The following CNTN6 variants were observed in gnomAD, a reference collection of about 807,000 sequenced individuals.
CNTN6 encodes contactin-6.
In CNTN6, 137 loss-of-function variants were observed where a neutral mutation model predicts 122.8. The observed-to-expected ratio is 1.12, with a 90% CI of 0.97 to 1.29. The LOEUF (loss-of-function observed/expected upper bound fraction) is 1.29. CNTN6 is among the 50% of genes most tolerant of loss of function. The pLI is 0.00. For missense variants in CNTN6, 1,634 were observed against 1,223.4 expected (o/e 1.34, Z -5.01); for synonymous variants, 570 against 426.0 (o/e 1.34, Z -4.16).
intron 7 of CNTN6, among the ~76,000 whole-genome samples, chr3:1,299,983 A>G (rs1054334664): frequency 4.0e-5 from 6 of 151,658 alleles, no homozygotes; most frequent in South Asian, 2.1e-4. Flanking sequence ...ATTTCATTCT[A>G]CTTTTTTTTT....
intron 20 of CNTN6, among the ~76,000 whole-genome samples, chr3:1,399,835 C>G (rs982098472): frequency 2.0e-5 from 3 of 152,082 alleles, no homozygotes; most frequent in African/African-American, 4.8e-5. Context: ...GAAATTTAAA[C>G]AAACACATAA....
Position 1,153,084 on chromosome 3 carries a change from T to G in CNTN6, c.55+5021T>G, listed in dbSNP as rs1166542303. Reference sequence around the variant, plus strand: ...TGGTTCATAAATATAACCACTTTTTTGTCATTTGTGTTTGTTTTGCCATGG... The same window carrying G: ...TGGTTCATAAATATAACCACTTTTTGGTCATTTGTGTTTGTTTTGCCATGG... On this transcript the variant is annotated intron_variant, in intron 2 of 22. Transcript: ENST00000446702. 5.9e-5 allele frequency among the ~76,000 whole-genome samples: 9 copies of G among 152,228 alleles called. No homozygotes were observed. In the East Asian group the frequency reaches 1.7e-3, roughly 29 times the overall value.
At position 1,385,797 on chromosome 3, in the gene CNTN6, C is replaced by CGTAA. The variant is rs771718718; in HGVS notation, c.2704+4_2704+7dup. 1.4e-5 allele frequency: 22 copies of CGTAA among 1,607,536 alleles called. No individual in the cohort carries two copies. In the East Asian group the frequency reaches 2.7e-4, roughly 20 times the overall value. The stretch of plus-strand genomic sequence containing the variant: ...AGTCAATGTTACCACCAAAAAGTCT[C>CGTAA]GTAAGTATGCATACACTCCAGGAAA... On this transcript the variant is annotated frameshift_variant and splice_region_variant. Coordinates refer to ENST00000446702, the MANE Select transcript of CNTN6 (RefSeq NM_001289080.2). LOFTEE classifies it high-confidence loss of function.
chr3:1,395,917 A>G (rs1420782686), intron 20 of CNTN6, among the ~76,000 whole-genome samples: 1 of 152,198 alleles, frequency 6.6e-6, no homozygotes, highest in Non-Finnish European at 1.5e-5. Context: ...GGCCTCTGTT[A>G]GACTGATGAG....
rs1232123309 is a variant in CNTN6 at position 1,278,395 on chromosome 3, TTTTC to T, written c.359-14_359-11del. 4 of 1,517,496 alleles carry T rather than the reference TTTTC, an allele frequency of 2.6e-6. No individual in the cohort carries two copies. In the African/African-American group the frequency reaches 4.2e-5, roughly 16 times the overall value. 94.0% of individuals were successfully genotyped at this position (1,517,496 alleles called of 1,614,324 possible). ...GCAAAGTAACTAATTATAAATCTGC[TTTTC>T]TTTGTTTTCCAAGATATTGAAGACT... On this transcript the variant is annotated splice_polypyrimidine_tract_variant and intron_variant, in intron 4 of 22. Transcript: ENST00000446702.
At chr3:1,242,871 GT>G (rs2094504962) in intron 4 of CNTN6, among the ~76,000 whole-genome samples, 2 of 152,260 alleles carry the variant, frequency 1.3e-5, no homozygotes, top group Middle Eastern at 3.4e-3. Flanking sequence ...GTTTTCAGGG[GT>G]TTTGAAGCCT....
intron 2 of CNTN6, among the ~76,000 whole-genome samples, chr3:1,214,892 A>T (rs2094108573): frequency 2.0e-5 from 3 of 152,112 alleles, no homozygotes; most frequent in Admixed American, 2.0e-4. Context: ...AGTAGCTGGG[A>T]CTACAAGCAC....
chr3:1,392,429 G>A (rs1335674076), intron 20 of CNTN6, among the ~76,000 whole-genome samples: 3 of 152,144 alleles, frequency 2.0e-5, no homozygotes, highest in African/African-American at 7.2e-5. Flanking sequence ...AGACTTAAAT[G>A]TTAGACCTAA....
At chr3:1,137,749 T>A (rs1441077295) in intron 1 of CNTN6, among the ~76,000 whole-genome samples, 2 of 152,152 alleles carry the variant, frequency 1.3e-5, no homozygotes, top group African/African-American at 2.4e-5. Flanking sequence ...CTAATTTACT[T>A]CTTCTAAAGT....
rs116477051 is a variant in CNTN6, at chr3:1,142,041, A to C, written c.-82-5886A>C. 8.1e-4 allele frequency among the ~76,000 whole-genome samples: 124 copies of C among 152,290 alleles called. 1 individual carries two copies. In the Middle Eastern group the frequency reaches 0.014, roughly 17 times the overall value. On this transcript the variant is annotated intron_variant, in intron 1 of 22. Transcript: ENST00000446702. The stretch of plus-strand genomic sequence containing the variant: ...TCTCATTGTCTCTCAAGCCTGCCGG[A>C]CAAACCAAGGTTTAACATGGCAGCC...
intron 12 of CNTN6, among the ~76,000 whole-genome samples, chr3:1,356,366 G>C (rs1386382965): frequency 1.3e-5 from 2 of 151,752 alleles, no homozygotes; most frequent in East Asian, 3.9e-4. Context: ...TGCAAATTAA[G>C]TTTATTGCTG....
rs9853109 is a variant in CNTN6 at position 1,318,264 on chromosome 3, A to G, written c.762-3386A>G. 3.3e-3 allele frequency among the ~76,000 whole-genome samples: 500 copies of G among 151,524 alleles called. 3 individuals are homozygous for G. Among genetic ancestry groups the G allele is most frequent in the African/African-American group, 0.012 (484 of 41,410 alleles). Reference sequence around the variant, plus strand: ...GTGATTGTAGCTCTGCAGAGCAATAAGTTCTCAACATATGTTCACAATTCA... The same window carrying G: ...GTGATTGTAGCTCTGCAGAGCAATAGGTTCTCAACATATGTTCACAATTCA... On this transcript the variant is annotated intron_variant, in intron 7 of 22. Transcript: ENST00000446702.
intron 2 of CNTN6, among the ~76,000 whole-genome samples, chr3:1,153,335 G>A (rs919074318): frequency 6.6e-6 from 1 of 152,122 alleles, no homozygotes; most frequent in African/African-American, 2.4e-5. Flanking sequence ...CTAATGAGCT[G>A]GTTTCTCCTA....
intron 1 of CNTN6, among the ~76,000 whole-genome samples, chr3:1,142,620 TAATA>T (rs1353002162): frequency 3.3e-5 from 5 of 152,112 alleles, no homozygotes; most frequent in Non-Finnish European, 7.4e-5. Flanking sequence ...AAGGGTCAGA[TAATA>T]AATATTTTCA....
intron 2 of CNTN6, among the ~76,000 whole-genome samples, chr3:1,205,472 G>T (rs2093945474): frequency 6.6e-6 from 1 of 152,032 alleles, no homozygotes; most frequent in African/African-American, 2.4e-5. Context: ...GACAGTCCTT[G>T]GTTTTCATCC....
At chr3:1,105,637 T>C (rs1366337920) in intron 1 of CNTN6, among the ~76,000 whole-genome samples, 1 of 152,212 alleles carries the variant, frequency 6.6e-6, no homozygotes, top group Non-Finnish European at 1.5e-5. Flanking sequence ...CTACAAGTGA[T>C]ATAAAGTTAT....
intron 5 of CNTN6, among the ~76,000 whole-genome samples, chr3:1,291,142 A>G (rs566760787): frequency 3.9e-5 from 6 of 152,338 alleles, no homozygotes; most frequent in East Asian, 1.9e-4. Context: ...TATGAATACA[A>G]TTTTGGGAAA....
At chr3:1,103,542 A>T (rs1302614971) in intron 1 of CNTN6, among the ~76,000 whole-genome samples, 3 of 152,226 alleles carry the variant, frequency 2.0e-5, no homozygotes, top group Non-Finnish European at 2.9e-5. Context: ...GTCTTTTGTC[A>T]TGCAGATGTA....
chr3:1,323,692 A>G (rs1234189480), intron 8 of CNTN6, among the ~76,000 whole-genome samples: 1 of 151,774 alleles, frequency 6.6e-6, no homozygotes, highest in African/African-American at 2.4e-5. Flanking sequence ...ATTATTCATC[A>G]TAGAAAATAG....
Sources: gnomAD v4.1 joint callset for allele counts (sites outside exome capture counted in the v4.1 genomes callset) on GRCh38, gnomAD v4.1.1 for gene constraint, MANE v1.5 for transcripts, NCBI Gene and HGNC (gene_info 2026-07-23, HGNC 2026-07-21) for gene names.